STK39: variants seen among roughly 807,000 people sequenced by gnomAD.
STK39 encodes STE20/SPS1-related proline-alanine-rich protein kinase.
A neutral mutation model predicts 77.8 loss-of-function variants in STK39; 20 were observed. The ratio of observed to expected loss-of-function variants is 0.26; its 90% CI spans 0.18 to 0.37. The LOEUF (loss-of-function observed/expected upper bound fraction) is 0.37. Among genes scored for constraint, STK39 ranks in the 10% least tolerant of loss-of-function variants. The probability of loss-of-function intolerance (pLI) is 1.00; values close to 1 mark genes in which losing one functional copy is unlikely to be tolerated. For synonymous variants in STK39, 246 were observed against 234.1 expected (o/e 1.05, Z -0.47); for missense variants, 479 against 656.5 (o/e 0.73, Z 2.95).
chr2:168,245,935 A>C (rs1174140963), intron 1 of STK39, among the ~76,000 whole-genome samples: 2 of 152,106 alleles, frequency 1.3e-5, no homozygotes, highest in African/African-American at 2.4e-5. Context: ...GACCTGCCCA[A>C]CATTTTCTCA....
Position 168,138,230 on chromosome 2 carries a change from G to C in STK39, c.841-9C>G. On this transcript the variant is annotated splice_polypyrimidine_tract_variant and intron_variant, in intron 7 of 17. Transcript: ENST00000355999. ...AAAGTCAACATTAACACCTGCAGCAGAAACAAACATGAAGACAGAATCTCA... is the reference window on the plus strand; with the variant it reads ...AAAGTCAACATTAACACCTGCAGCACAAACAAACATGAAGACAGAATCTCA... 2 of 1,608,190 alleles carry C rather than the reference G, an allele frequency of 1.2e-6. No homozygotes were observed. The highest frequency in any genetic ancestry group is 8.5e-7 in the Non-Finnish European group (1 of 1,177,030).
At chr2:168,181,119 T>C (rs1689073844) in intron 2 of STK39, among the ~76,000 whole-genome samples, 1 of 152,226 alleles carries the variant, frequency 6.6e-6, no homozygotes. Context: ...GTAGCTTGTA[T>C]GGAGCTACTG....
intron 2 of STK39, among the ~76,000 whole-genome samples, chr2:168,178,266 C>A (rs1689001271): frequency 1.3e-5 from 2 of 152,088 alleles, no homozygotes; most frequent in Admixed American, 1.3e-4. Flanking sequence ...ACAGAACAAA[C>A]CAGAACATAT....
At chr2:168,075,864 G>A (rs1297959210) in intron 10 of STK39, among the ~76,000 whole-genome samples, 2 of 152,106 alleles carry the variant, frequency 1.3e-5, no homozygotes, top group African/African-American at 2.4e-5. Flanking sequence ...GAGATTGCTA[G>A]GAACACAGCT....
At chr2:168,162,584 T>C (rs1688602160) in intron 4 of STK39, among the ~76,000 whole-genome samples, 1 of 152,056 alleles carries the variant, frequency 6.6e-6, no homozygotes, top group African/African-American at 2.4e-5. Context: ...AAAATGAACT[T>C]CTCTCTGGTG....
chr2:168,062,126 G>A (rs1685681655), intron 14 of STK39, among the ~76,000 whole-genome samples: 1 of 152,132 alleles, frequency 6.6e-6, no homozygotes, highest in African/African-American at 2.4e-5. Context: ...TATAAAGTGG[G>A]CGATTAGACT....
intron 10 of STK39, among the ~76,000 whole-genome samples, chr2:168,076,985 T>G (rs1038466846): frequency 5.3e-5 from 8 of 152,174 alleles, no homozygotes; most frequent in African/African-American, 1.9e-4. Context: ...TCTGTTGACA[T>G]ATACAATAAA....
chr2:167,960,740 A>G (rs73026946), intron 17 of STK39, among the ~76,000 whole-genome samples: 3,380 of 151,980 alleles, frequency 0.022, 124 homozygotes, highest in African/African-American at 0.078. Flanking sequence ...ATGCGGGTGC[A>G]TTTTGGAATC....
At chr2:168,208,033 C>A (rs191738484) in intron 1 of STK39, among the ~76,000 whole-genome samples, 191 of 152,310 alleles carry the variant, frequency 1.3e-3, no homozygotes, top group Middle Eastern at 3.4e-3. Context: ...TTTGACTCAG[C>A]AGGCTCCTTC....
intron 17 of STK39, among the ~76,000 whole-genome samples, chr2:167,961,709 A>C (rs573944565): frequency 1.8e-4 from 27 of 152,330 alleles, no homozygotes; most frequent in African/African-American, 6.3e-4. Context: ...CCAACAATGG[A>C]AATCCTACTT....
At chr2:167,982,476 C>T (rs2105269194) in intron 16 of STK39, among the ~76,000 whole-genome samples, 1 of 152,196 alleles carries the variant, frequency 6.6e-6, no homozygotes, top group East Asian at 1.9e-4. Context: ...TAGGTTATTC[C>T]CTAAGAAGGT....
rs553557583 is a variant in STK39 at position 168,068,805 on chromosome 2, GATAACC to G, written c.1243-3430_1243-3425del. On this transcript the variant is annotated intron_variant, in intron 12 of 17. Coordinates refer to ENST00000355999, the MANE Select transcript of STK39 (RefSeq NM_013233.3). ...GTTAAAGCAGTCTGTGATGGCTAAG[GATAACC>G]ATAATAAAAGTGGAGGGAGAAGTTA... Among the ~76,000 whole-genome samples the G allele has an allele frequency of 9.8e-3, 1,497 of 152,290 alleles. 24 individuals carry two copies. The highest frequency in any genetic ancestry group is 0.034 in the African/African-American group (1,428 of 41,540).
chr2:168,143,266 C>T (rs1472492177), intron 5 of STK39, among the ~76,000 whole-genome samples: 1 of 152,250 alleles, frequency 6.6e-6, no homozygotes, highest in Non-Finnish European at 1.5e-5. Flanking sequence ...CCATCCACTT[C>T]TTTGCTCCTC....
chr2:168,079,729 G>A (rs1169222027), intron 10 of STK39, among the ~76,000 whole-genome samples: 2 of 152,226 alleles, frequency 1.3e-5, no homozygotes, highest in Non-Finnish European at 2.9e-5. Flanking sequence ...TCAAGTTTGA[G>A]AAACACTGTG....
chr2:168,224,478 C>G (rs147188048), intron 1 of STK39, among the ~76,000 whole-genome samples: 1 of 151,558 alleles, frequency 6.6e-6, no homozygotes, highest in African/African-American at 2.4e-5. Context: ...GAAATGAAAA[C>G]CAAAAGAAAG....
chr2:168,144,489 A>C (rs1301404891), intron 5 of STK39, among the ~76,000 whole-genome samples: 1 of 151,620 alleles, frequency 6.6e-6, no homozygotes, highest in Non-Finnish European at 1.5e-5. Flanking sequence ...TATTTTTTGT[A>C]GATATGGGGT....
At chr2:167,980,458 G>C (rs1683386302) in intron 16 of STK39, among the ~76,000 whole-genome samples, 1 of 152,172 alleles carries the variant, frequency 6.6e-6, no homozygotes, top group Non-Finnish European at 1.5e-5. Context: ...GTGGCTTCTG[G>C]ACTGGGAAAA....
At chr2:168,085,829 C>G (rs576288398) in intron 10 of STK39, among the ~76,000 whole-genome samples, 5 of 152,318 alleles carry the variant, frequency 3.3e-5, no homozygotes, top group African/African-American at 1.2e-4. Flanking sequence ...CTATAACCAA[C>G]AGAAATGAGG....
chr2:168,001,769 A>G lies in STK39; in HGVS notation c.1498+10865T>C, dbSNP rs557644231. On this transcript the variant is annotated intron_variant, in intron 16 of 17. Transcript: ENST00000355999. ...AGTAAAAAAACAGCAGAGAGATTTC[A>G]TCTGGGACTGGGAGACTTGCCTGTC... 2.6e-5 allele frequency among the ~76,000 whole-genome samples: 4 copies of G among 152,354 alleles called. No individual in the cohort carries two copies. The South Asian group carries it at 8.3e-4, about 32-fold the overall frequency.
Sources: gnomAD v4.1 joint callset for allele counts (sites outside exome capture counted in the v4.1 genomes callset) on GRCh38, gnomAD v4.1.1 for gene constraint, MANE v1.5 for transcripts, NCBI Gene and HGNC (gene_info 2026-07-23, HGNC 2026-07-21) for gene names.